Variants in STX8 observed in about 807,000 individuals in gnomAD.
STX8 encodes the protein syntaxin-8.
Under a neutral mutation model 37.5 loss-of-function variants are expected in STX8, and 23 were observed. The ratio of observed to expected loss-of-function variants is 0.61; its 90% CI spans 0.44 to 0.87. The LOEUF (loss-of-function observed/expected upper bound fraction) is 0.87. Among genes scored for constraint, STX8 ranks in the 40% least tolerant of loss-of-function variants. The pLI is 0.00. For synonymous variants in STX8, 115 were observed against 99.1 expected (o/e 1.16, Z -0.95); for missense variants, 313 against 284.7 (o/e 1.10, Z -0.71).
chr17:9,452,888 C>A (rs1037962308), intron 6 of STX8, among the ~76,000 whole-genome samples: 1 of 151,790 alleles, frequency 6.6e-6, no homozygotes. Flanking sequence ...CTCACTGCAA[C>A]CCTGCCTCCC....
At chr17:9,560,431 A>G (rs1047129580) in intron 2 of STX8, among the ~76,000 whole-genome samples, 2 of 150,526 alleles carry the variant, frequency 1.3e-5, no homozygotes, top group Non-Finnish European at 3.0e-5. Context: ...GAAGAATTCA[A>G]TATGGTCATT....
intron 7 of STX8, among the ~76,000 whole-genome samples, chr17:9,278,889 G>C (rs539588362): frequency 1.5e-4 from 23 of 151,902 alleles, no homozygotes; most frequent in Non-Finnish European, 2.1e-4. Flanking sequence ...CTCTGGCTCT[G>C]TCACTATCTG....
intron 7 of STX8, among the ~76,000 whole-genome samples, chr17:9,327,157 C>CA (rs1248061676): frequency 0.012 from 953 of 80,912 alleles, 9 homozygotes; most frequent in Middle Eastern, 0.021. Flanking sequence ...AACTCTGTCT[C>CA]AAAAAAAAAA....
intron 7 of STX8, among the ~76,000 whole-genome samples, chr17:9,320,833 G>A (rs1188957115): frequency 2.0e-5 from 3 of 151,688 alleles, no homozygotes; most frequent in South Asian, 2.1e-4. Flanking sequence ...CCCAGGAGGC[G>A]GAGGTTGCAG....
At chr17:9,436,547 C>T (rs1228278388) in intron 6 of STX8, among the ~76,000 whole-genome samples, 3 of 152,092 alleles carry the variant, frequency 2.0e-5, no homozygotes, top group Non-Finnish European at 4.4e-5. Context: ...ATGGCCAACA[C>T]GCTTCGGACA....
intron 7 of STX8, among the ~76,000 whole-genome samples, chr17:9,335,847 ACT>A (rs1491442092): frequency 0.1 from 15,082 of 150,774 alleles, 907 homozygotes; most frequent in Middle Eastern, 0.17. Flanking sequence ...ACACACACAC[ACT>A]CACACTCACG....
intron 5 of STX8, among the ~76,000 whole-genome samples, chr17:9,498,412 GA>G (rs1904488269): frequency 6.6e-6 from 1 of 150,794 alleles, no homozygotes; most frequent in Non-Finnish European, 1.5e-5. Flanking sequence ...CAAAAGAAAA[GA>G]AAAATTAGGT....
At chr17:9,397,479 T>C (rs1367437059) in intron 6 of STX8, among the ~76,000 whole-genome samples, 1 of 152,088 alleles carries the variant, frequency 6.6e-6, no homozygotes, top group Non-Finnish European at 1.5e-5. Context: ...GGAATGATAG[T>C]CTACAGATAA....
intron 7 of STX8, among the ~76,000 whole-genome samples, chr17:9,375,485 A>C (rs1442276270): frequency 6.6e-6 from 1 of 152,226 alleles, no homozygotes; most frequent in African/African-American, 2.4e-5. Flanking sequence ...AAAACTTGCC[A>C]ACATGTCTAT....
At chr17:9,534,195 C>T (rs201018349) in intron 4 of STX8, among the ~76,000 whole-genome samples, 38 of 137,440 alleles carry the variant, frequency 2.8e-4, no homozygotes, top group African/African-American at 9.2e-4. Context: ...TAAACAACAA[C>T]AATAGAAAAG....
At chr17:9,533,798 A>T (rs1905911924) in intron 4 of STX8, among the ~76,000 whole-genome samples, 2 of 152,170 alleles carry the variant, frequency 1.3e-5, no homozygotes, top group Non-Finnish European at 2.9e-5. Flanking sequence ...TGATACAGAC[A>T]CTACAACTTG....
intron 7 of STX8, among the ~76,000 whole-genome samples, chr17:9,343,984 A>G (rs1464951408): frequency 6.6e-6 from 1 of 152,206 alleles, no homozygotes; most frequent in Non-Finnish European, 1.5e-5. Context: ...AATAGGTTAC[A>G]TGAGGAGGCC....
At chr17:9,370,570 A>C (rs1911372253) in intron 7 of STX8, among the ~76,000 whole-genome samples, 1 of 152,214 alleles carries the variant, frequency 6.6e-6, no homozygotes, top group Admixed American at 6.5e-5. Flanking sequence ...TTGAGACAGC[A>C]TTAATGCAAT....
intron 6 of STX8, among the ~76,000 whole-genome samples, chr17:9,445,503 G>GTGGGGGAGGGGGATGGGGGGA (rs1567563918): frequency 2.8e-5 from 2 of 70,444 alleles, no homozygotes; most frequent in Non-Finnish European, 5.9e-5. Context: ...GGGGGGGATG[G>GTGGGGGAGGGGGATGGGGGGA]TGGGGGAGGG....
rs931528504 is a variant in STX8, at chr17:9,288,154, A to C, written c.644-37509T>G. On this transcript the variant is annotated intron_variant, in intron 7 of 7. Transcript: ENST00000306357. ...AAACAAACAAACAAAAAAAAAAAAA[A>C]CCAAAAACAAAAAACCAACCTTCCC... Among the ~76,000 whole-genome samples, 7 of 134,096 alleles carry C rather than the reference A, an allele frequency of 5.2e-5. No individual in the cohort carries two copies. In the East Asian group the frequency reaches 8.5e-4, roughly 16 times the overall value. The allele number at this position is 134,096 out of a possible 152,430, so 88.0% of individuals were successfully genotyped here.
intron 7 of STX8, among the ~76,000 whole-genome samples, chr17:9,258,255 T>G (rs1906877128): frequency 6.6e-6 from 1 of 152,216 alleles, no homozygotes; most frequent in African/African-American, 2.4e-5. Context: ...AGGTGGGGAA[T>G]AAGCAGGAGA....
intron 4 of STX8, among the ~76,000 whole-genome samples, chr17:9,509,310 T>A (rs1031281144): frequency 2.6e-5 from 4 of 151,946 alleles, no homozygotes; most frequent in Non-Finnish European, 5.9e-5. Flanking sequence ...AAATCACCTA[T>A]GAGGGAGTTC....
At chr17:9,421,800 G>A (rs1349118698) in intron 6 of STX8, among the ~76,000 whole-genome samples, 4 of 151,980 alleles carry the variant, frequency 2.6e-5, no homozygotes, top group Admixed American at 6.6e-5. Context: ...ATCTCATGTC[G>A]AATTGTAATC....
At chr17:9,383,090 C>T (rs8075542) in intron 6 of STX8, among the ~76,000 whole-genome samples, 41,586 of 152,036 alleles carry the variant, frequency 0.27, 6,279 homozygotes, top group African/African-American at 0.41. Context: ...ACAATGAAGA[C>T]AGCTGTCTAT....
Sources: gnomAD v4.1 joint callset for allele counts (sites outside exome capture counted in the v4.1 genomes callset) on GRCh38, gnomAD v4.1.1 for gene constraint, MANE v1.5 for transcripts, NCBI Gene and HGNC (gene_info 2026-07-23, HGNC 2026-07-21) for gene names.